The following RIC1 variants were observed in gnomAD, a reference collection of about 807,000 sequenced individuals.
RIC1 encodes RIC1 partner of RAB6A GEF complex.
A neutral mutation model predicts 169.0 loss-of-function variants in RIC1; 88 were observed. That is an observed-to-expected ratio of 0.52 (90% CI 0.44 to 0.62). RIC1 has a LOEUF of 0.62. Ranked by LOEUF, RIC1 falls within the 20% of genes least tolerant of loss-of-function variation. The probability of loss-of-function intolerance (pLI) is 0.00; values close to 1 mark genes in which losing one functional copy is unlikely to be tolerated. For missense variants in RIC1, 1,877 were observed against 1,725.5 expected, an observed-to-expected ratio of 1.09 and a Z score of -1.56; for synonymous variants, 790 against 601.5, an observed-to-expected ratio of 1.31 and a Z score of -4.59.
At chr9:5,655,951 G>C (rs1819071874) in intron 1 of RIC1, among the ~76,000 whole-genome samples, 1 of 151,744 alleles carries the variant, frequency 6.6e-6, no homozygotes, top group Non-Finnish European at 1.5e-5. Flanking sequence ...CTCACTGCAA[G>C]CTCTGCCTCC....
At chr9:5,677,541 G>C (rs1228176431) in intron 2 of RIC1, among the ~76,000 whole-genome samples, 1 of 150,834 alleles carries the variant, frequency 6.6e-6, no homozygotes, top group East Asian at 1.9e-4. Flanking sequence ...TCTGTTCCAT[G>C]ATCTATTTGT....
rs1334287844 is a variant in RIC1, at chr9:5,741,206, A to G, written c.902-1663A>G. Among the ~76,000 whole-genome samples the G allele has an allele frequency of 2.0e-5, 3 of 152,202 alleles. 1 individual carries two copies. In the East Asian group the frequency reaches 5.8e-4, roughly 29 times the overall value. ...GCAGCTATTGAGAGGTCCTCTGTCA[A>G]GTTGTCTTCTCTTTTCAATAGATTG... On this transcript the variant is annotated intron_variant, in intron 8 of 25. Coordinates refer to ENST00000414202, the MANE Select transcript of RIC1 (RefSeq NM_020829.4).
chr9:5,735,985 T>A (rs1436646036), intron 7 of RIC1, among the ~76,000 whole-genome samples: 1 of 152,238 alleles, frequency 6.6e-6, no homozygotes, highest in East Asian at 1.9e-4. Context: ...AAAATATATT[T>A]TTCTGTTACA....
chr9:5,689,591 G>A (rs1006587938), intron 2 of RIC1, among the ~76,000 whole-genome samples: 2 of 152,088 alleles, frequency 1.3e-5, no homozygotes, highest in African/African-American at 4.8e-5. Context: ...CCATAAAGTG[G>A]CATTGTTGCT....
chr9:5,748,117 G>T (rs566058149), intron 12 of RIC1, among the ~76,000 whole-genome samples: 2 of 152,240 alleles, frequency 1.3e-5, no homozygotes, highest in South Asian at 2.1e-4. Flanking sequence ...TTGATACCAA[G>T]TAAAATTATT....
chr9:5,660,816 A>G (rs947918707), intron 2 of RIC1, among the ~76,000 whole-genome samples: 1 of 152,074 alleles, frequency 6.6e-6, no homozygotes. Context: ...GCTCACTCCA[A>G]TGATAGTTTC....
At chr9:5,680,154 C>T (rs1453564396) in intron 2 of RIC1, among the ~76,000 whole-genome samples, 3 of 152,212 alleles carry the variant, frequency 2.0e-5, no homozygotes, top group East Asian at 1.9e-4. Context: ...TATTGATTTT[C>T]GTATGTTGAA....
At chr9:5,682,600 T>G (rs2130654289) in intron 2 of RIC1, among the ~76,000 whole-genome samples, 1 of 152,334 alleles carries the variant, frequency 6.6e-6, no homozygotes, top group South Asian at 2.1e-4. Context: ...CATTTTTTCC[T>G]TCATTTCAAC....
intron 2 of RIC1, among the ~76,000 whole-genome samples, chr9:5,683,862 GC>G (rs1192233092): frequency 1.3e-5 from 2 of 151,954 alleles, no homozygotes; most frequent in Non-Finnish European, 2.9e-5. Context: ...CCCTCCCCCA[GC>G]CTCGCTGCCA....
At chr9:5,658,508 T>C (rs1563875466) in intron 2 of RIC1, among the ~76,000 whole-genome samples, 1 of 152,066 alleles carries the variant, frequency 6.6e-6, no homozygotes, top group Non-Finnish European at 1.5e-5. Context: ...GAAGTATGAA[T>C]TGACTAAGAA....
At chr9:5,670,842 A>C (rs993059696) in intron 2 of RIC1, among the ~76,000 whole-genome samples, 1 of 152,140 alleles carries the variant, frequency 6.6e-6, no homozygotes, top group Non-Finnish European at 1.5e-5. Context: ...AGGGTTTTTC[A>C]AGGATAGTTT....
chr9:5,669,870 C>G (rs1022007491), intron 2 of RIC1, among the ~76,000 whole-genome samples: 1 of 152,094 alleles, frequency 6.6e-6, no homozygotes, highest in Non-Finnish European at 1.5e-5. Flanking sequence ...TGAAGACAGA[C>G]CAGGGTGATC....
At position 5,773,982 on chromosome 9, in the gene RIC1, C is replaced by T. The variant is rs1827423008; in HGVS notation, c.4008C>T (p.Asn1336=). The T allele has an allele frequency of 2.5e-6, 4 of 1,606,204 alleles. No individual in the cohort carries two copies. The highest frequency in any genetic ancestry group is 1.1e-5 in the South Asian group (1 of 90,246). The change falls in exon 26 of 26, where the codon AAC becomes AAT. Residue 1336 remains asparagine (N), a synonymous_variant. Transcript: ENST00000414202. The stretch of plus-strand genomic sequence containing the variant: ...GTCCTGGATATAAGCCATTTTTAAA[C>T]ATCATTAAGCCACAACTGCAGAAGC... ...TDCPGYKPFL[N]IIKPQLQKLS...
intron 2 of RIC1, among the ~76,000 whole-genome samples, chr9:5,663,918 G>A (rs1166491468): frequency 6.6e-6 from 1 of 152,174 alleles, no homozygotes; most frequent in Non-Finnish European, 1.5e-5. Context: ...GTTTACTTCA[G>A]TGTGTTTTTG....
intron 2 of RIC1, among the ~76,000 whole-genome samples, chr9:5,675,262 A>C (rs970139731): frequency 6.6e-6 from 1 of 152,184 alleles, no homozygotes; most frequent in Non-Finnish European, 1.5e-5. Context: ...GGAATGAGTC[A>C]GGGTGGAGAA....
At chr9:5,646,449 A>C (rs1818517364) in intron 1 of RIC1, among the ~76,000 whole-genome samples, 1 of 152,192 alleles carries the variant, frequency 6.6e-6, no homozygotes, top group Non-Finnish European at 1.5e-5. Flanking sequence ...TTGCCTAGTG[A>C]CAATAGAAAT....
intron 17 of RIC1, among the ~76,000 whole-genome samples, chr9:5,761,159 G>C (rs1826312088): frequency 7.5e-6 from 1 of 132,504 alleles, no homozygotes; most frequent in South Asian, 2.5e-4. Context: ...TGTCACCCAG[G>C]CTAGAGTGCA....
chr9:5,651,138 G>A (rs1447197214), intron 1 of RIC1, among the ~76,000 whole-genome samples: 1 of 152,174 alleles, frequency 6.6e-6, no homozygotes, highest in Admixed American at 6.5e-5. Context: ...GTAAGCTAGG[G>A]TTGCAGGAGT....
At chr9:5,716,998 CT>C (rs1823287880) in intron 4 of RIC1, among the ~76,000 whole-genome samples, 1 of 152,168 alleles carries the variant, frequency 6.6e-6, no homozygotes, top group Non-Finnish European at 1.5e-5. Flanking sequence ...AGTTTGTCCA[CT>C]TTCAATTAAA....
Sources: allele counts gnomAD v4.1 joint callset (sites outside exome capture counted in the v4.1 genomes callset), GRCh38; gene constraint gnomAD v4.1.1; transcripts MANE v1.5; gene names NCBI Gene and HGNC (gene_info 2026-07-23, HGNC 2026-07-21).